The following EPS15 variants were observed in gnomAD, a reference collection of about 807,000 sequenced individuals.
EPS15 encodes epidermal growth factor receptor substrate 15.
Under a neutral mutation model 113.8 loss-of-function variants are expected in EPS15, and 72 were observed. The observed-to-expected ratio is 0.63, with a 90% CI of 0.52 to 0.77. The LOEUF (loss-of-function observed/expected upper bound fraction) is 0.77. Among genes scored for constraint, EPS15 ranks in the 30% least tolerant of loss-of-function variants. The pLI, the probability that EPS15 is intolerant of heterozygous loss-of-function variation, is 0.00. For missense variants in EPS15, 1,048 were observed against 1,045.8 expected (o/e 1.00, Z -0.03); for synonymous variants, 344 against 363.4 (o/e 0.95, Z 0.61).
chr1:51,461,270 A>G, intron 7 of EPS15, 120 bp from the exon 8 acceptor site: 1 of 693,486 alleles, frequency 1.4e-6, no homozygotes, highest in Non-Finnish European at 2.6e-6. Flanking sequence ...GCCTCCCAGC[A>G]CTTTGAGAGG....
chr1:51,508,233 GAAAA>G (rs1557536330), intron 1 of EPS15, among the ~76,000 whole-genome samples: 17 of 69,216 alleles, frequency 2.5e-4, no homozygotes, highest in African/African-American at 9.2e-4. Flanking sequence ...GAAAAGAAAA[GAAAA>G]GAAAGAGAGA....
intron 1 of EPS15, among the ~76,000 whole-genome samples, chr1:51,506,999 A>G (rs1166463819): frequency 1.3e-5 from 2 of 152,134 alleles, no homozygotes; most frequent in Non-Finnish European, 2.9e-5. Context: ...CTTGCAACCA[A>G]ATTAAATATG....
chr1:51,377,491 C>T (rs537350058), intron 21 of EPS15, among the ~76,000 whole-genome samples: 1 of 152,196 alleles, frequency 6.6e-6, no homozygotes, highest in East Asian at 1.9e-4. Flanking sequence ...AAAACTGGAA[C>T]CAAAGAGGAG....
chr1:51,364,193 GA>G (rs1275359274), intron 22 of EPS15, among the ~76,000 whole-genome samples, 165 bp from the exon 23 acceptor site: 1 of 151,452 alleles, frequency 6.6e-6, no homozygotes, highest in African/African-American at 2.4e-5. Flanking sequence ...AGAAATTTCT[GA>G]AAAAAAAGTT....
chr1:51,461,044 G>GA (rs760112156), intron 8 of EPS15, 47 bp downstream of exon 8: 1 of 1,257,050 alleles, frequency 8.0e-7, no homozygotes, highest in South Asian at 1.2e-5. Flanking sequence ...TTGCACATGA[G>GA]AAAATCATTA....
intron 21 of EPS15, among the ~76,000 whole-genome samples, chr1:51,368,423 G>A (rs1232939517): frequency 1.3e-5 from 2 of 152,166 alleles, no homozygotes; most frequent in Non-Finnish European, 2.9e-5. Context: ...CTCTGATCCT[G>A]AAGAGGATGT....
chr1:51,434,398 A>G (rs1651970881), intron 12 of EPS15, among the ~76,000 whole-genome samples: 1 of 152,232 alleles, frequency 6.6e-6, no homozygotes, highest in South Asian at 2.1e-4. Flanking sequence ...ATGCCACAAC[A>G]CAGAAGAACC....
At position 51,447,772 on chromosome 1, in the gene EPS15, G is replaced by A. The variant is rs535916300; in HGVS notation, c.651+274C>T. 1.1e-4 allele frequency among the ~76,000 whole-genome samples: 17 copies of A among 152,266 alleles called. No homozygotes were observed. In the South Asian group the frequency reaches 2.3e-3, roughly 20 times the overall value. On this transcript the variant is annotated intron_variant, in intron 9 of 24. Coordinates refer to ENST00000371733, the MANE Select transcript of EPS15 (RefSeq NM_001981.3). ...TCCATATGACCCAAGGCCTAATGTA[G>A]AAGGAATATCTGTCTTCTCTGGAGT...
chr1:51,464,607 T>C (rs1348397164), intron 6 of EPS15, among the ~76,000 whole-genome samples: 1 of 152,188 alleles, frequency 6.6e-6, no homozygotes, highest in Non-Finnish European at 1.5e-5. Flanking sequence ...GCAATATTTC[T>C]TTTTCTTGTC....
intron 12 of EPS15, among the ~76,000 whole-genome samples, chr1:51,437,492 A>AC (rs986827289): frequency 7.3e-6 from 1 of 136,864 alleles, no homozygotes; most frequent in Admixed American, 7.4e-5. Context: ...AAAAAAAAAA[A>AC]TTTTTTTTTT....
At chr1:51,461,202 T>C (rs1015390616) in intron 7 of EPS15, 52 bp from the exon 8 acceptor site, 18 of 1,307,704 alleles carry the variant, frequency 1.4e-5, no homozygotes, top group Non-Finnish European at 1.9e-5. Context: ...GTTCATGTTC[T>C]ACTCGAGGGC....
At chr1:51,504,681 G>A (rs1008107006) in intron 1 of EPS15, among the ~76,000 whole-genome samples, 4 of 152,070 alleles carry the variant, frequency 2.6e-5, no homozygotes, top group Admixed American at 2.6e-4. Flanking sequence ...TTAATCATCA[G>A]AGAAATGAAA....
chr1:51,378,007 T>C (rs1214656623), intron 21 of EPS15, among the ~76,000 whole-genome samples: 1 of 151,540 alleles, frequency 6.6e-6, no homozygotes, highest in Non-Finnish European at 1.5e-5. Context: ...GCAATTCTCC[T>C]GCCTCAGCCT....
intron 12 of EPS15, among the ~76,000 whole-genome samples, chr1:51,426,521 G>T (rs948010441): frequency 6.6e-5 from 10 of 150,500 alleles, no homozygotes; most frequent in Non-Finnish European, 1.5e-4. Flanking sequence ...CCAGATATTT[G>T]GACAAACACG....
intron 16 of EPS15, 86 bp downstream of exon 16, chr1:51,405,819 A>G: frequency 9.1e-7 from 1 of 1,100,472 alleles, no homozygotes; most frequent in Non-Finnish European, 1.4e-6. Flanking sequence ...AGGCAAGGCC[A>G]TGTATTTATA....
chr1:51,357,656 C>CAAG, intron 24 of EPS15, among the ~76,000 whole-genome samples: 1 of 67,618 alleles, frequency 1.5e-5, no homozygotes, highest in Middle Eastern at 9.1e-3. Context: ...AGCTAAGAAG[C>CAAG]AAGAAAAAAA....
At chr1:51,415,284 C>T (rs150533717) in intron 13 of EPS15, among the ~76,000 whole-genome samples, 1 of 152,138 alleles carries the variant, frequency 6.6e-6, no homozygotes, top group Admixed American at 6.5e-5. Flanking sequence ...TCCCAAAGAG[C>T]AAACACATTC....
intron 21 of EPS15, among the ~76,000 whole-genome samples, chr1:51,369,479 T>C (rs115378946): frequency 0.02 from 3,054 of 152,314 alleles, 115 homozygotes; most frequent in African/African-American, 0.067. Flanking sequence ...GCTGCACTTA[T>C]GACCTCATTA....
chr1:51,359,361 T>C (rs1646323421), intron 24 of EPS15, among the ~76,000 whole-genome samples: 1 of 150,324 alleles, frequency 6.7e-6, no homozygotes, highest in South Asian at 2.1e-4. Flanking sequence ...GGAGAATTGC[T>C]TGAACCTGGG....
Sources: gnomAD v4.1 joint callset for allele counts (sites outside exome capture counted in the v4.1 genomes callset) on GRCh38, gnomAD v4.1.1 for gene constraint, MANE v1.5 for transcripts, NCBI Gene and HGNC (gene_info 2026-07-23, HGNC 2026-07-21) for gene names.